ZNF730: variants seen among roughly 807,000 people sequenced by gnomAD.
ZNF730 encodes the protein zinc finger protein 730, also known as putative zinc finger protein 730.
Under a neutral mutation model 12.6 loss-of-function variants are expected in ZNF730, and 12 were observed. That is an observed-to-expected ratio of 0.95 (90% CI 0.61 to 1.54). The LOEUF is 1.54. Ranked by LOEUF, ZNF730 falls within the 40% of genes most tolerant of loss-of-function variation. The pLI, the probability that ZNF730 is intolerant of heterozygous loss-of-function variation, is 0.00. For missense variants in ZNF730, 643 were observed against 583.5 expected (o/e 1.10, Z -1.05); for synonymous variants, 194 against 195.8 (o/e 0.99, Z 0.08).
chr19:23,114,183 G>GCTGT (rs538856745), upstream of ZNF730, among the ~76,000 whole-genome samples: 4 of 151,770 alleles, frequency 2.6e-5, no homozygotes, highest in Non-Finnish European at 5.9e-5. Context: ...CCATCATGTT[G>GCTGT]CTGTGCTGGA....
chr19:23,077,095 A>G (rs1352515499), intron 1 of ZNF730, among the ~76,000 whole-genome samples: 1 of 152,190 alleles, frequency 6.6e-6, no homozygotes, highest in Non-Finnish European at 1.5e-5. Context: ...ACAGAAAACT[A>G]AATACCACAT....
In ZNF730 at chr19:23,100,931, G is replaced by A. The variant is rs138730514; in HGVS notation, c.-94+25544G>A. On this transcript the variant is annotated intron_variant, in intron 1 of 2. Transcript: ENST00000593635. Reference sequence around the variant, plus strand: ...AGCCTCCCAAAGTGCTGGGATTACAGGTGTGAACCACCATGCCCGGCAGTG... The same window carrying A: ...AGCCTCCCAAAGTGCTGGGATTACAAGTGTGAACCACCATGCCCGGCAGTG... 3.0e-3 allele frequency among the ~76,000 whole-genome samples: 456 copies of A among 152,166 alleles called. 2 individuals carry two copies. Among genetic ancestry groups the A allele is most frequent in the African/African-American group, 0.011 (446 of 41,504 alleles).
rs1337577876 is a variant in ZNF730 at position 23,145,919 on chromosome 19, C to A, written c.875C>A (p.Ala292Asp). 6.2e-7 allele frequency: 1 copy of A among 1,610,668 alleles called. No homozygotes were observed. The change falls in exon 4 of 4, where the codon GCC becomes GAC. Residue 292 changes from alanine (A) to aspartate (D), a missense_variant. Transcript: ENST00000597761. ...KPYKCEECGKAFNQSSNLTEH... is the reference protein window; with the variant it reads ...KPYKCEECGKDFNQSSNLTEH... ...TATAAATGTGAAGAATGTGGCAAAG[C>A]CTTTAACCAGTCCTCAAACCTTACT... is the stretch of plus-strand genomic sequence containing the variant.
chr19:23,126,733 A>AT (rs961025982), intron 1 of ZNF730: 6,092 of 372,090 alleles, frequency 0.016, no homozygotes, highest in South Asian at 0.027. Context: ...GCAGACTGAG[A>AT]TTTTTTTTTT....
chr19:23,097,505 G>A (rs999351254), intron 1 of ZNF730, among the ~76,000 whole-genome samples: 3 of 152,112 alleles, frequency 2.0e-5, no homozygotes, highest in Admixed American at 6.5e-5. Flanking sequence ...GCCTGGCCCC[G>A]CCTTCAAAAG....
At chr19:23,101,395 T>C (rs1970334234) in intron 1 of ZNF730, among the ~76,000 whole-genome samples, 1 of 152,232 alleles carries the variant, frequency 6.6e-6, no homozygotes, top group Non-Finnish European at 1.5e-5. Flanking sequence ...GTGGCTTTCC[T>C]GCCCACATTC....
chr19:23,086,419 G>A (rs534435715), intron 1 of ZNF730, among the ~76,000 whole-genome samples: 1 of 152,150 alleles, frequency 6.6e-6, no homozygotes, highest in Admixed American at 6.5e-5. Context: ...GTCTTTCAGG[G>A]TTTTTATAGT....
At chr19:23,113,231 TC>T (rs1385874399), upstream of ZNF730, among the ~76,000 whole-genome samples, 9 of 152,190 alleles carry the variant, frequency 5.9e-5, no homozygotes, top group Non-Finnish European at 1.2e-4. Flanking sequence ...AATTATTTGA[TC>T]TATGTAATGT....
rs764682556 is a variant in ZNF730 at position 23,145,628 on chromosome 19, A to G, written c.584A>G (p.His195Arg). 4 of 1,550,270 alleles carry G rather than the reference A, an allele frequency of 2.6e-6. No homozygotes were observed. In the East Asian group the frequency reaches 7.2e-5, roughly 28 times the overall value. ...CACTTAGCTCAACATAAAAAAATTC[A>G]TACTGGAGAGAAATCCTACAAATGT... ...LSHLAQHKKI[H>R]TGEKSYKCEE... Residue 195 changes from histidine to arginine, a missense_variant, in exon 4 of 4, where the codon CAT becomes CGT. His to Arg is a conservative substitution (Grantham distance 29, BLOSUM62 0). Transcript: ENST00000597761.
At chr19:23,082,546 C>T (rs751057930) in intron 1 of ZNF730, among the ~76,000 whole-genome samples, 1 of 151,902 alleles carries the variant, frequency 6.6e-6, no homozygotes, top group African/African-American at 2.4e-5. Context: ...AGGGTTTCAC[C>T]ATGTTGCCCA....
intron 1 of ZNF730, chr19:23,123,709 C>G (rs1970627820): frequency 6.6e-6 from 1 of 150,530 alleles, no homozygotes; most frequent in Non-Finnish European, 1.5e-5. Context: ...TTTTGGGGGA[C>G]TATCTTCTGG....
chr19:23,080,814 T>C (rs1969949832), intron 1 of ZNF730, among the ~76,000 whole-genome samples: 1 of 151,810 alleles, frequency 6.6e-6, no homozygotes, highest in Non-Finnish European at 1.5e-5. Flanking sequence ...CTTAGTTCAT[T>C]TCTTTTTTTC....
At chr19:23,128,219 A>G in intron 1 of ZNF730, 1 of 757,008 alleles carries the variant, frequency 1.3e-6, no homozygotes, top group South Asian at 1.4e-5. Flanking sequence ...CCTGGTTATG[A>G]TTCTGAAAGC....
intron 1 of ZNF730, among the ~76,000 whole-genome samples, chr19:23,083,411 G>A (rs1021704032): frequency 1.2e-4 from 19 of 152,072 alleles, no homozygotes; most frequent in African/African-American, 4.6e-4. Flanking sequence ...GGGACACAGC[G>A]AGACTCCATC....
chr19:23,110,388 T>C (rs1327180619), intron 1 of ZNF730, among the ~76,000 whole-genome samples: 1 of 145,962 alleles, frequency 6.9e-6, no homozygotes, highest in African/African-American at 2.6e-5. Flanking sequence ...GCGATTCTCC[T>C]GCCTCAGCCT....
At chr19:23,100,632 T>C (rs1970325037) in intron 1 of ZNF730, among the ~76,000 whole-genome samples, 1 of 596 alleles carries the variant, frequency 1.7e-3, no homozygotes, top group South Asian at 0.05. Context: ...TGGTGATTCT[T>C]TTTTTTTTTT....
upstream of ZNF730, among the ~76,000 whole-genome samples, chr19:23,116,684 G>T (rs2362804): frequency 2.7e-4 from 40 of 150,268 alleles, no homozygotes; most frequent in Non-Finnish European, 4.0e-4. Flanking sequence ...GCCCCCCAAA[G>T]TGCTGGGATT....
At chr19:23,102,944 C>G (rs1464224387) in intron 1 of ZNF730, among the ~76,000 whole-genome samples, 1 of 152,182 alleles carries the variant, frequency 6.6e-6, no homozygotes, top group East Asian at 1.9e-4. Flanking sequence ...CTATATAAAT[C>G]TCTTACTGTA....
At chr19:23,119,821 T>C (rs1204518962) in intron 1 of ZNF730, among the ~76,000 whole-genome samples, 1 of 151,910 alleles carries the variant, frequency 6.6e-6, no homozygotes, top group East Asian at 1.9e-4. Context: ...GTCTCAAAAA[T>C]AAATAAATAA....
Sources: gnomAD v4.1 joint callset for allele counts (sites outside exome capture counted in the v4.1 genomes callset) on GRCh38, gnomAD v4.1.1 for gene constraint, MANE v1.5 for transcripts, NCBI Gene and HGNC (gene_info 2026-07-23, HGNC 2026-07-21) for gene names.